Variants in PKIB observed in about 807,000 individuals in gnomAD.
The protein encoded by PKIB is PKI-beta.
Under a neutral mutation model 4.5 loss-of-function variants are expected in PKIB, and 2 were observed. That is an observed-to-expected ratio of 0.44 (90% CI 0.18 to 1.39). The LOEUF (loss-of-function observed/expected upper bound fraction) is 1.39, where lower values mean the gene tolerates loss of function less well. PKIB is among the 40% of genes most tolerant of loss of function. The pLI is 0.27. For synonymous variants in PKIB, 38 were observed against 36.0 expected, an observed-to-expected ratio of 1.06 and a Z score of -0.20; for missense variants, 94 against 92.6, an observed-to-expected ratio of 1.02 and a Z score of -0.06.
At chr6:122,569,051 C>T (rs998978770) in intron 2 of PKIB, among the ~76,000 whole-genome samples, 2 of 152,130 alleles carry the variant, frequency 1.3e-5, no homozygotes, top group Non-Finnish European at 2.9e-5. Context: ...CAGTTATACT[C>T]CCCTCTGGAA....
intron 2 of PKIB, among the ~76,000 whole-genome samples, chr6:122,512,997 C>G (rs1469409405): frequency 6.6e-6 from 1 of 152,104 alleles, no homozygotes; most frequent in East Asian, 1.9e-4. Flanking sequence ...TATCCAATTT[C>G]TTAGTCAGCA....
chr6:122,707,967 T>A (rs889472272), intron 3 of PKIB, among the ~76,000 whole-genome samples: 1 of 12,404 alleles, frequency 8.1e-5, no homozygotes, highest in Non-Finnish European at 1.9e-4. Flanking sequence ...AGAAAAAAAA[T>A]TCATGTTGAA....
At chr6:122,520,741 A>C (rs1776917893) in intron 2 of PKIB, among the ~76,000 whole-genome samples, 1 of 139,560 alleles carries the variant, frequency 7.2e-6, no homozygotes, top group South Asian at 2.2e-4. Context: ...AAATTATTAT[A>C]ACTAAGCTCA....
chr6:122,554,596 G>A (rs1274355658), intron 2 of PKIB, among the ~76,000 whole-genome samples: 4 of 152,216 alleles, frequency 2.6e-5, no homozygotes, highest in African/African-American at 9.6e-5. Context: ...TAACTGAGCA[G>A]TAGTGGGGCT....
intron 3 of PKIB, among the ~76,000 whole-genome samples, chr6:122,681,946 G>A (rs1234242744): frequency 6.6e-6 from 1 of 152,144 alleles, no homozygotes; most frequent in Non-Finnish European, 1.5e-5. Flanking sequence ...CTCAATATTC[G>A]TTCCAGAACT....
chr6:122,569,334 C>A (rs1402313480), intron 2 of PKIB, among the ~76,000 whole-genome samples: 1 of 152,180 alleles, frequency 6.6e-6, no homozygotes, highest in Non-Finnish European at 1.5e-5. Context: ...TTTAAAGTGC[C>A]ATCTCTTGGC....
intron 3 of PKIB, among the ~76,000 whole-genome samples, chr6:122,700,120 A>G (rs1462130807): frequency 6.6e-6 from 1 of 152,054 alleles, no homozygotes; most frequent in Non-Finnish European, 1.5e-5. Flanking sequence ...CCTTTAATAT[A>G]TTTTGAATTT....
chr6:122,515,480 T>C (rs1776719222), intron 2 of PKIB, among the ~76,000 whole-genome samples: 1 of 152,166 alleles, frequency 6.6e-6, no homozygotes, highest in Non-Finnish European at 1.5e-5. Context: ...TAGGATTAAA[T>C]AATACTTGAG....
At chr6:122,559,138 T>C (rs1772941673) in intron 2 of PKIB, among the ~76,000 whole-genome samples, 1 of 151,914 alleles carries the variant, frequency 6.6e-6, no homozygotes, top group East Asian at 1.9e-4. Context: ...AGGACTGATA[T>C]CCAGAATCAA....
Position 122,557,007 on chromosome 6 carries a change from G to A in PKIB, c.-247-28914G>A, listed in dbSNP as rs141836994. On this transcript the variant is annotated intron_variant, in intron 2 of 6. Transcript: ENST00000392491. The stretch of plus-strand genomic sequence containing the variant: ...AGTGGGTGGATTACTTGAGGTCAGA[G>A]GTCTGAGACCAGCCTGGCCAACATG... Among the ~76,000 whole-genome samples the A allele has an allele frequency of 6.4e-3, 969 of 152,258 alleles. 8 individuals are homozygous for A. Among genetic ancestry groups the A allele is most frequent in the African/African-American group, 0.023 (944 of 41,554 alleles).
intron 2 of PKIB, among the ~76,000 whole-genome samples, chr6:122,513,447 C>CAT (rs1554216566): frequency 6.6e-6 from 1 of 152,076 alleles, no homozygotes; most frequent in African/African-American, 2.4e-5. Context: ...AAAATATTTA[C>CAT]ATATATATAT....
At chr6:122,526,873 T>G (rs933583983) in intron 2 of PKIB, among the ~76,000 whole-genome samples, 1 of 152,168 alleles carries the variant, frequency 6.6e-6, no homozygotes, top group Non-Finnish European at 1.5e-5. Context: ...GATTTTCTCC[T>G]TAGCTCTGAA....
chr6:122,650,268 G>A (rs1447274731), intron 2 of PKIB, among the ~76,000 whole-genome samples: 3 of 152,046 alleles, frequency 2.0e-5, no homozygotes, highest in African/African-American at 4.8e-5. Flanking sequence ...AATGAGATGT[G>A]ATGGGAATCA....
chr6:122,624,183 G>A (rs1291403797), intron 1 of PKIB, among the ~76,000 whole-genome samples: 4 of 152,056 alleles, frequency 2.6e-5, no homozygotes, highest in African/African-American at 7.2e-5. Context: ...TTTCAGGAGG[G>A]CAACTTAATC....
rs537019706 is a variant in PKIB at position 122,549,590 on chromosome 6, T to C, written c.-247-36331T>C. On this transcript the variant is annotated intron_variant, in intron 2 of 6. Transcript: ENST00000392491. ...TTAACATACATCAGTTCAGTGAGTG[T>C]GAGAAGAAAAATAACATTTTTGACT... is the stretch of plus-strand genomic sequence containing the variant. Among the ~76,000 whole-genome samples the C allele has an allele frequency of 3.2e-4, 49 of 152,240 alleles. 1 individual carries two copies. In the South Asian group the frequency reaches 0.01, roughly 31 times the overall value.
chr6:122,514,270 G>C (rs1776677230), intron 2 of PKIB, among the ~76,000 whole-genome samples: 1 of 152,048 alleles, frequency 6.6e-6, no homozygotes, highest in African/African-American at 2.4e-5. Flanking sequence ...CTTTTGGTTT[G>C]GGGTCACATT....
chr6:122,504,957 T>G (rs1776352100), intron 2 of PKIB, among the ~76,000 whole-genome samples: 1 of 152,156 alleles, frequency 6.6e-6, no homozygotes, highest in Non-Finnish European at 1.5e-5. Context: ...GGGGCCAGTT[T>G]TAAAATGGAG....
chr6:122,509,796 C>T (rs1776530027), intron 2 of PKIB, among the ~76,000 whole-genome samples: 1 of 151,988 alleles, frequency 6.6e-6, no homozygotes, highest in African/African-American at 2.4e-5. Context: ...AAAAGGACCA[C>T]TTAACTAAAT....
chr6:122,587,962 A>T (rs1773900929), intron 3 of PKIB, among the ~76,000 whole-genome samples: 1 of 152,078 alleles, frequency 6.6e-6, no homozygotes, highest in African/African-American at 2.4e-5. Flanking sequence ...ATTTTCTCCC[A>T]TTCTGTAGGT....
Sources: gnomAD v4.1 joint callset for allele counts (sites outside exome capture counted in the v4.1 genomes callset) on GRCh38, gnomAD v4.1.1 for gene constraint, MANE v1.5 for transcripts, NCBI Gene and HGNC (gene_info 2026-07-23, HGNC 2026-07-21) for gene names.